DDX17: variants seen among roughly 807,000 people sequenced by gnomAD.
The protein encoded by DDX17 is DEAD-box helicase 17.
DDX17 carries 10 observed loss-of-function variants against 80.8 expected under a neutral mutation model. The ratio of observed to expected loss-of-function variants is 0.12; its 90% CI spans 0.08 to 0.21. The LOEUF is 0.21. Among genes scored for constraint, DDX17 ranks in the 10% least tolerant of loss-of-function variants. DDX17 has a pLI of 1.00. For synonymous variants in DDX17, 339 were observed against 336.2 expected (o/e 1.01, Z -0.09); for missense variants, 586 against 957.4 (o/e 0.61, Z 5.12).
rs761560340 is a variant in DDX17 at position 38,501,248 on chromosome 22, G to A, written c.320C>T (p.Pro107Leu). Residue 107 changes from proline (P) to leucine (L), a missense_variant, in exon 2 of 13, where the codon CCG becomes CTG. By Grantham distance (98) the Pro-to-Leu change is moderately conservative. Coordinates refer to ENST00000403230, the MANE Select transcript of DDX17 (RefSeq NM_006386.5). ...CTCCCCAGGATTACCAAATTTCTTC[G>A]GGGGAAGGCCACCACCACCTCTTGC... The A allele has an allele frequency of 1.3e-5, 21 of 1,612,136 alleles. No individual in the cohort carries two copies. Among genetic ancestry groups the A allele is most frequent in the Middle Eastern group, 1.6e-4 (1 of 6,078 alleles).
intron 11 of DDX17, 131 bp from the exon 12 acceptor site, chr22:38,488,246 C>T (rs756785583): frequency 1.3e-6 from 2 of 1,570,994 alleles, no homozygotes; most frequent in African/African-American, 1.4e-5. Context: ...AGTTAGTAAC[C>T]ACTCTGAACA....
intron 2 of DDX17, among the ~76,000 whole-genome samples, chr22:38,499,993 CG>C (rs2089811096): frequency 1.3e-5 from 2 of 150,570 alleles, no homozygotes; most frequent in South Asian, 4.2e-4. Flanking sequence ...GGTGAAACTC[CG>C]TCTCTACTGA....
intron 12 of DDX17, 37 bp from the exon 13 acceptor site, chr22:38,486,477 T>C (rs747948359): frequency 7.2e-6 from 11 of 1,538,450 alleles, no homozygotes; most frequent in Non-Finnish European, 9.6e-6. Context: ...TAATGGCAGA[T>C]ATAGGACCTA....
At chr22:38,496,320 T>C (rs1223520078) in intron 5 of DDX17, among the ~76,000 whole-genome samples, 1 of 152,212 alleles carries the variant, frequency 6.6e-6, no homozygotes, top group Non-Finnish European at 1.5e-5. Flanking sequence ...AGCATTTACT[T>C]TGAGGATCAT....
chr22:38,498,011 G>C, intron 5 of DDX17, 74 bp downstream of exon 5: 1 of 1,418,832 alleles, frequency 7.0e-7, no homozygotes, highest in Non-Finnish European at 9.9e-7. Flanking sequence ...AATGGATAAT[G>C]TAAAGCACCA....
chr22:38,486,784 T>G (rs1264333677), intron 12 of DDX17, among the ~76,000 whole-genome samples: 9 of 152,162 alleles, frequency 5.9e-5, no homozygotes, highest in African/African-American at 2.2e-4. Flanking sequence ...ATGTCTCAGT[T>G]TCTACCCACC....
intron 1 of DDX17, among the ~76,000 whole-genome samples, chr22:38,502,046 T>C (rs138457): frequency 0.58 from 88,115 of 152,144 alleles, 26,005 homozygotes; most frequent in Admixed American, 0.67. Flanking sequence ...CCTGTCTGCT[T>C]ATCTGCAAAG....
chr22:38,492,763 G>A (rs1470426038), intron 10 of DDX17, among the ~76,000 whole-genome samples: 6 of 152,170 alleles, frequency 3.9e-5, no homozygotes, highest in Admixed American at 2.0e-4. Flanking sequence ...TGGGATTACA[G>A]GCGTGAGCCA....
In DDX17 at chr22:38,488,124, T is replaced by G. The variant is rs369900548; in HGVS notation, c.1448-9A>C. On this transcript the variant is annotated splice_polypyrimidine_tract_variant and intron_variant, in intron 11 of 12. Transcript: ENST00000403230. ...CTTGACATCTTCCACATCTTCCACG[T>G]CAATGATGAGTCAGTGTGTAGGTTG... 5.8e-5 allele frequency: 94 copies of G among 1,613,968 alleles called. 1 individual carries two copies. Among genetic ancestry groups the G allele is most frequent in the Non-Finnish European group, 7.1e-5 (84 of 1,180,022 alleles).
At chr22:38,497,977 A>G (rs1569141330) in intron 5 of DDX17, 108 bp downstream of exon 5, 1 of 1,000,388 alleles carries the variant, frequency 1.0e-6, no homozygotes, top group Non-Finnish European at 1.5e-6. Context: ...ATTTCCACCT[A>G]TGGAGGGTGT....
At chr22:38,498,385 A>G (rs533494375) in intron 4 of DDX17, 55 bp downstream of exon 4, 1 of 1,607,636 alleles carries the variant, frequency 6.2e-7, no homozygotes, top group East Asian at 2.2e-5. Context: ...TATGACAACT[A>G]GAATAGCAAA....
At chr22:38,494,824 T>C (rs1266782850) in intron 7 of DDX17, 22 bp from the exon 8 acceptor site, 3 of 1,613,920 alleles carry the variant, frequency 1.9e-6, no homozygotes, top group Non-Finnish European at 8.5e-7. Flanking sequence ...GGAAAGGCTT[T>C]CTTTCAGGCT....
chr22:38,495,726 C>T (rs1292038856), intron 6 of DDX17, 70 bp downstream of exon 6: 3 of 1,306,410 alleles, frequency 2.3e-6, no homozygotes, highest in Admixed American at 2.7e-5. Flanking sequence ...CACTTTTTTT[C>T]TCCAATTTCC....
intron 10 of DDX17, among the ~76,000 whole-genome samples, chr22:38,492,423 A>G (rs779833300): frequency 2.0e-5 from 3 of 152,214 alleles, no homozygotes; most frequent in Non-Finnish European, 4.4e-5. Flanking sequence ...AGTAGGAAAC[A>G]AGTTCAAAAG....
At chr22:38,504,457 G>T (rs1212246554) in intron 1 of DDX17, among the ~76,000 whole-genome samples, 1 of 152,140 alleles carries the variant, frequency 6.6e-6, no homozygotes, top group African/African-American at 2.4e-5. Flanking sequence ...AAAGCTTAGG[G>T]AGGAATTGCT....
chr22:38,492,829 A>G (rs1445668797), intron 10 of DDX17, among the ~76,000 whole-genome samples: 1 of 152,160 alleles, frequency 6.6e-6, no homozygotes, highest in East Asian at 1.9e-4. Context: ...CCATTTCTCA[A>G]TGGCTTCCCT....
intron 8 of DDX17, chr22:38,494,332 A>G: frequency 1.7e-6 from 1 of 590,640 alleles, no homozygotes; most frequent in Admixed American, 3.3e-5. Flanking sequence ...AGCAAGTCTC[A>G]TGTAAGTGGT....
intron 6 of DDX17, 47 bp from the exon 7 acceptor site, chr22:38,495,093 C>T (rs1421306947): frequency 6.3e-7 from 1 of 1,576,014 alleles, no homozygotes; most frequent in East Asian, 2.3e-5. Context: ...GGTGCAGTGG[C>T]TCACAGCTGT....
Position 38,493,735 on chromosome 22 carries a change from T to C in DDX17, c.1362A>G (p.Gln454=), listed in dbSNP as rs2089735002. ...CATTAAGTACCCAATCTCTTTCTGGTTGACTCTTGTCTCCATGGATACACA... is the reference window on the plus strand; with the variant it reads ...CATTAAGTACCCAATCTCTTTCTGGCTGACTCTTGTCTCCATGGATACACA... Residue 454 remains glutamine (Q), a synonymous_variant, in exon 10 of 13, where the codon CAA becomes CAG. Transcript: ENST00000403230. 3 of 1,613,764 alleles carry C rather than the reference T, an allele frequency of 1.9e-6. No homozygotes were observed. Among genetic ancestry groups the C allele is most frequent in the Non-Finnish European group, 2.5e-6 (3 of 1,179,616 alleles).
Sources: allele counts gnomAD v4.1 joint callset (sites outside exome capture counted in the v4.1 genomes callset), GRCh38; gene constraint gnomAD v4.1.1; transcripts MANE v1.5; gene names NCBI Gene and HGNC (gene_info 2026-07-23, HGNC 2026-07-21).